Variants in TMEM116 observed in about 807,000 individuals in gnomAD.
TMEM116 encodes the protein transmembrane protein 116.
Under a neutral mutation model 44.3 loss-of-function variants are expected in TMEM116, and 38 were observed. The observed-to-expected ratio is 0.86, with a 90% CI of 0.66 to 1.12. The LOEUF is 1.12. Among genes scored for constraint, TMEM116 ranks in the 50% most tolerant of loss-of-function variants. TMEM116 has a pLI of 0.00. For missense variants in TMEM116, 354 were observed against 401.7 expected (o/e 0.88, Z 1.01); for synonymous variants, 132 against 144.8 (o/e 0.91, Z 0.64).
At chr12:111,993,521 C>G (rs1170093466) in intron 3 of TMEM116, 2 of 544,432 alleles carry the variant, frequency 3.7e-6, no homozygotes, top group Non-Finnish European at 7.2e-6. Context: ...TGTAATTGCC[C>G]TATGGAAGCT....
At chr12:112,003,285 A>C (rs7306804) in intron 3 of TMEM116, among the ~76,000 whole-genome samples, 2 of 152,100 alleles carry the variant, frequency 1.3e-5, no homozygotes, top group Non-Finnish European at 1.5e-5. Context: ...AGTTAATCTC[A>C]GGGCTGGGCG....
At chr12:111,980,893 G>A (rs1398837227) in intron 4 of TMEM116, among the ~76,000 whole-genome samples, 2 of 151,958 alleles carry the variant, frequency 1.3e-5, no homozygotes, top group African/African-American at 2.4e-5. Flanking sequence ...GGGCAACATG[G>A]TGAAACCTCC....
intron 1 of TMEM116, chr12:112,011,155 C>T (rs1460514949): frequency 5.3e-5 from 8 of 152,268 alleles, no homozygotes; most frequent in African/African-American, 1.2e-4. Flanking sequence ...GCAGAGATGC[C>T]CAGGTCCTGC....
chr12:111,936,956 T>TC, intron 7 of TMEM116, 126 bp from the exon 8 acceptor site: 1 of 1,096,448 alleles, frequency 9.1e-7, no homozygotes, highest in South Asian at 1.6e-5. Flanking sequence ...ACCTTGTCTC[T>TC]CCCCCACAGA....
chr12:111,936,721 T>C lies in TMEM116; in HGVS notation c.559A>G (p.Ser187Gly). The C allele has an allele frequency of 6.2e-7, 1 of 1,614,044 alleles. No homozygotes were observed. The highest frequency in any genetic ancestry group is 8.5e-7 in the Non-Finnish European group (1 of 1,179,980). ...ATGGTAAGGAGGCTGAGTACAAAGC[T>C]GCCCAGGAAAATGGCGATACCATAA... is the stretch of plus-strand genomic sequence containing the variant. ...YFYGIAIFLG[S>G]FVLSLLTIMV... The change falls in exon 8 of 11, where the codon AGC (serine) becomes GGC (glycine). Residue 187 changes from serine to glycine, a missense_variant. Ser to Gly is a moderately conservative substitution (Grantham distance 56). Coordinates refer to ENST00000552374, the MANE Select transcript of TMEM116 (RefSeq NM_001193531.2).
chr12:111,976,812 C>G (rs1485820605), intron 4 of TMEM116, among the ~76,000 whole-genome samples: 2 of 152,000 alleles, frequency 1.3e-5, no homozygotes, highest in African/African-American at 4.8e-5. Context: ...GTCAAAAATA[C>G]TGTAATAGAC....
chr12:111,981,025 C>G (rs927760372), intron 4 of TMEM116, among the ~76,000 whole-genome samples: 1 of 149,150 alleles, frequency 6.7e-6, no homozygotes, highest in Non-Finnish European at 1.5e-5. Flanking sequence ...AGTGAGCAGT[C>G]GTTGTGCCAC....
chr12:111,943,311 T>A lies in TMEM116; in HGVS notation c.269A>T (p.Glu90Val). The change falls in exon 5 of 11, where the codon GAG becomes GTG. Residue 90 changes from glutamate to valine, a missense_variant. Glu to Val is a moderately radical substitution (Grantham distance 121). Coordinates refer to ENST00000552374, the MANE Select transcript of TMEM116 (RefSeq NM_001193531.2). Reference sequence around the variant, plus strand: ...ACTCTGGGTGTGTTTCATCCTCAGCTCTGTGTACAAATACCAGATGTAATT... The same window carrying A: ...ACTCTGGGTGTGTTTCATCCTCAGCACTGTGTACAAATACCAGATGTAATT... ...TVNYIWYLYTELRMKHTQSGQ... is the reference protein window; with the variant it reads ...TVNYIWYLYTVLRMKHTQSGQ... 6.2e-7 allele frequency: 1 copy of A among 1,614,134 alleles called. No individual in the cohort carries two copies.
In TMEM116 at chr12:111,954,817, T is replaced by C. The variant is rs138547855; in HGVS notation, c.211-11448A>G. On this transcript the variant is annotated intron_variant, in intron 4 of 10. Coordinates refer to ENST00000552374, the MANE Select transcript of TMEM116 (RefSeq NM_001193531.2). ...ACTTGTATCAAAGTATACAGAAGAA[T>C]AGCCAAGATTAAATGGAAAGGCTGA... 1.1e-3 allele frequency among the ~76,000 whole-genome samples: 163 copies of C among 152,354 alleles called. 2 individuals carry two copies. The Middle Eastern group carries it at 0.014, about 13-fold the overall frequency.
intron 4 of TMEM116, among the ~76,000 whole-genome samples, chr12:111,975,848 C>T (rs1297200768): frequency 2.0e-5 from 3 of 151,964 alleles, no homozygotes; most frequent in African/African-American, 4.8e-5. Context: ...AGCTCAGGCC[C>T]ACAAAAATAA....
chr12:111,948,529 G>T (rs2073457408), intron 4 of TMEM116, among the ~76,000 whole-genome samples: 1 of 152,088 alleles, frequency 6.6e-6, no homozygotes, highest in African/African-American at 2.4e-5. Context: ...TTGTTGGATG[G>T]CTAAAAGATA....
chr12:111,991,472 C>T (rs1278960036), intron 4 of TMEM116, among the ~76,000 whole-genome samples: 4 of 148,858 alleles, frequency 2.7e-5, no homozygotes, highest in African/African-American at 5.0e-5. Flanking sequence ...TGCAGTGAGC[C>T]GAGATCGCAC....
chr12:111,964,639 T>C (rs2074860820), intron 4 of TMEM116, among the ~76,000 whole-genome samples: 1 of 152,142 alleles, frequency 6.6e-6, no homozygotes, highest in Admixed American at 6.5e-5. Context: ...AATTAATAAC[T>C]GCTAACCGTA....
chr12:111,963,699 G>A (rs896985771), intron 4 of TMEM116, among the ~76,000 whole-genome samples: 1 of 152,128 alleles, frequency 6.6e-6, no homozygotes, highest in South Asian at 2.1e-4. Context: ...ATAGCATTAG[G>A]AGAAATACCT....
At chr12:111,935,665 G>C (rs1159297358) in intron 8 of TMEM116, 1 of 110,630 alleles carries the variant, frequency 9.0e-6, no homozygotes, top group Non-Finnish European at 1.7e-5. Context: ...TGTGTGTTTT[G>C]AGACAGAGTA....
At position 111,931,712 on chromosome 12, in the gene TMEM116, A is replaced by G. The variant is rs1159995423; in HGVS notation, c.923T>C (p.Leu308Ser). 1 of 1,613,928 alleles carries G rather than the reference A, an allele frequency of 6.2e-7. No individual in the cohort carries two copies. The highest frequency in any genetic ancestry group is 1.1e-5 in the South Asian group (1 of 91,022). Residue 308 changes from leucine (L) to serine (S), a missense_variant, in exon 11 of 11, where the codon TTA becomes TCA. By Grantham distance (145) the Leu-to-Ser change is moderately radical. Coordinates refer to ENST00000552374, the MANE Select transcript of TMEM116 (RefSeq NM_001193531.2). ...ATAGAATCTCTTCTGTGAGCATAAT[A>G]ATGGTGTCTGGGTATCTGCATCACG... ...ARRDADTQTP[L>S]LCSQKRFYSR...
intron 3 of TMEM116, among the ~76,000 whole-genome samples, chr12:112,000,222 C>T (rs1302594236): frequency 6.6e-6 from 1 of 151,974 alleles, no homozygotes; most frequent in Non-Finnish European, 1.5e-5. Context: ...AATAATTAAC[C>T]AAGGAGTTCA....
At chr12:111,940,476 T>C (rs200859518) in intron 5 of TMEM116, among the ~76,000 whole-genome samples, 13,093 of 98,504 alleles carry the variant, frequency 0.13, 743 homozygotes, top group African/African-American at 0.23. Flanking sequence ...TATATATATA[T>C]ACATACACAC....
At chr12:112,003,897 C>T (rs2077424522) in intron 2 of TMEM116, 34 bp from the exon 3 acceptor site, 2 of 1,472,346 alleles carry the variant, frequency 1.4e-6, no homozygotes, top group African/African-American at 2.9e-5. Context: ...ATCATTAAAG[C>T]AGGACAATGG....
Sources: allele counts gnomAD v4.1 joint callset (sites outside exome capture counted in the v4.1 genomes callset), GRCh38; gene constraint gnomAD v4.1.1; transcripts MANE v1.5; gene names NCBI Gene and HGNC (gene_info 2026-07-23, HGNC 2026-07-21).